AFAP1L1: variants seen among roughly 807,000 people sequenced by gnomAD.
The protein encoded by AFAP1L1 is actin filament-associated protein 1-like 1.
Under a neutral mutation model 99.8 loss-of-function variants are expected in AFAP1L1, and 77 were observed. The observed-to-expected ratio is 0.77, with a 90% CI of 0.64 to 0.93. The LOEUF (loss-of-function observed/expected upper bound fraction) is 0.93. Among genes scored for constraint, AFAP1L1 ranks in the 40% least tolerant of loss-of-function variants. The probability of loss-of-function intolerance (pLI) is 0.00; values close to 1 mark genes in which losing one functional copy is unlikely to be tolerated. For synonymous variants in AFAP1L1, 373 were observed against 395.3 expected (o/e 0.94, Z 0.67); for missense variants, 893 against 996.8 (o/e 0.90, Z 1.40).
rs768606047 is a variant in AFAP1L1, at chr5:149,307,552, G to A, written c.686G>A (p.Arg229Gln). 23 of 1,613,702 alleles carry A rather than the reference G, an allele frequency of 1.4e-5. No individual in the cohort carries two copies. The highest frequency in any genetic ancestry group is 4.0e-5 in the African/African-American group (3 of 74,894). Residue 229 changes from arginine (R) to glutamine (Q), a missense_variant, in exon 7 of 19, where the codon CGG becomes CAG. Physicochemically the swap from Arg to Gln is conservative, Grantham distance 43. Transcript: ENST00000296721. ...RECRICAFLL[R>Q]KKRFGQWAKQ... ...TGCAGGATATGTGCCTTCCTGCTGCGGAAAAAGCGTTTCGGGCAGTGGGCC... is the reference window on the plus strand; with the variant it reads ...TGCAGGATATGTGCCTTCCTGCTGCAGAAAAAGCGTTTCGGGCAGTGGGCC...
At chr5:149,275,579 C>T (rs1755291480) in intron 1 of AFAP1L1, among the ~76,000 whole-genome samples, 1 of 151,916 alleles carries the variant, frequency 6.6e-6, no homozygotes, top group Non-Finnish European at 1.5e-5. Context: ...GATCTCGGCT[C>T]ACTGCAAGCT....
chr5:149,282,769 C>T (rs1455765513), intron 1 of AFAP1L1, among the ~76,000 whole-genome samples: 2 of 152,134 alleles, frequency 1.3e-5, no homozygotes, highest in Non-Finnish European at 2.9e-5. Flanking sequence ...GGGAGTGTCT[C>T]CCTGGAGCAC....
At chr5:149,295,053 G>A (rs370953260) in intron 1 of AFAP1L1, among the ~76,000 whole-genome samples, 9 of 152,332 alleles carry the variant, frequency 5.9e-5, no homozygotes, top group East Asian at 5.8e-4. Context: ...CAGCTCCAGC[G>A]AAAGACTTGC....
chr5:149,275,367 C>T (rs975891729), intron 1 of AFAP1L1, among the ~76,000 whole-genome samples: 5 of 152,198 alleles, frequency 3.3e-5, no homozygotes, highest in Admixed American at 1.3e-4. Context: ...ACCTCTCTTC[C>T]TGGCTTGTAG....
chr5:149,326,545 T>A (rs200687122), intron 15 of AFAP1L1, among the ~76,000 whole-genome samples: 4,844 of 128,422 alleles, frequency 0.038, no homozygotes, highest in African/African-American at 0.047. Context: ...TCGCCAAAAA[T>A]AAAAAAAAAA....
Position 149,310,204 on chromosome 5 carries a change from G to T in AFAP1L1, c.927+69G>T, listed in dbSNP as rs1434149854. On this transcript the variant is annotated intron_variant, in intron 8 of 18. Coordinates refer to ENST00000296721, the MANE Select transcript of AFAP1L1 (RefSeq NM_152406.4). ...CTCTTCCCCAAGCCAGCCCTCAGTAGAGCTGGCTCCTGTCCCTGGAAGAGC... is the reference window on the plus strand; with the variant it reads ...CTCTTCCCCAAGCCAGCCCTCAGTATAGCTGGCTCCTGTCCCTGGAAGAGC... The T allele has an allele frequency of 6.8e-6, 10 of 1,477,822 alleles. No homozygotes were observed. In the East Asian group the frequency reaches 1.9e-4, roughly 29 times the overall value. The allele number at this position is 1,477,822 out of a possible 1,614,324, so 91.5% of individuals were successfully genotyped here. A position where few individuals can be genotyped will look rare whatever the true frequency, so the allele number is the denominator to read the frequency against.
intron 1 of AFAP1L1, among the ~76,000 whole-genome samples, chr5:149,296,410 G>C (rs1171384097): frequency 6.6e-6 from 1 of 152,212 alleles, no homozygotes; most frequent in African/African-American, 2.4e-5. Flanking sequence ...AAACAGCCCA[G>C]TGCACCCCTG....
intron 1 of AFAP1L1, among the ~76,000 whole-genome samples, chr5:149,298,385 T>C (rs1355565970): frequency 1.3e-5 from 2 of 152,220 alleles, no homozygotes; most frequent in Admixed American, 1.3e-4. Flanking sequence ...TGAGTCAATA[T>C]ATCTCTGTGG....
intron 4 of AFAP1L1, among the ~76,000 whole-genome samples, chr5:149,301,603 C>A (rs924728981): frequency 6.6e-6 from 1 of 152,116 alleles, no homozygotes; most frequent in Non-Finnish European, 1.5e-5. Context: ...AGCTCTGGAC[C>A]AGGAGTTGGG....
At chr5:149,302,170 C>G (rs1756243230) in intron 4 of AFAP1L1, among the ~76,000 whole-genome samples, 1 of 152,250 alleles carries the variant, frequency 6.6e-6, no homozygotes, top group South Asian at 2.1e-4. Context: ...AAAAGTATGA[C>G]TACTACTGTT....
At chr5:149,301,351 G>A (rs1260384561) in intron 4 of AFAP1L1, 121 bp downstream of exon 4, 25 of 801,694 alleles carry the variant, frequency 3.1e-5, no homozygotes, top group Non-Finnish European at 5.0e-5. Flanking sequence ...GTCTCTCTCG[G>A]GTTGTGGGTG....
chr5:149,311,991 A>G (rs1756643865), intron 8 of AFAP1L1, 121 bp from the exon 9 acceptor site: 2 of 860,298 alleles, frequency 2.3e-6, no homozygotes, highest in Non-Finnish European at 3.7e-6. Context: ...GTGTCAGTCC[A>G]TCTGTTCCCC....
chr5:149,306,424 C>T lies in AFAP1L1; in HGVS notation c.535+20C>T, dbSNP rs1756416206. ...GCTCCTGTAAGTACCAGGTGGGCGTCCAGATGCTGGGCAGGGCTTCTGCCC... is the reference window on the plus strand; with the variant it reads ...GCTCCTGTAAGTACCAGGTGGGCGTTCAGATGCTGGGCAGGGCTTCTGCCC... On this transcript the variant is annotated intron_variant, in intron 6 of 18. Coordinates refer to ENST00000296721, the MANE Select transcript of AFAP1L1 (RefSeq NM_152406.4). 1 of 1,595,018 alleles carries T rather than the reference C, an allele frequency of 6.3e-7. No individual in the cohort carries two copies. Among genetic ancestry groups the T allele is most frequent in the East Asian group, 2.3e-5 (1 of 44,180 alleles).
Position 149,301,215 on chromosome 5 carries a change from C to T in AFAP1L1, c.312C>T (p.Ser104=). The T allele has an allele frequency of 6.2e-7, 1 of 1,613,976 alleles. No homozygotes were observed. The highest frequency in any genetic ancestry group is 8.5e-7 in the Non-Finnish European group (1 of 1,179,912). Residue 104 remains serine (S), a synonymous_variant, in exon 4 of 19, where the codon AGC becomes AGT. Coordinates refer to ENST00000296721, the MANE Select transcript of AFAP1L1 (RefSeq NM_152406.4). Reference sequence around the variant, plus strand: ...GAGCCAGCCCTGAGCTAGCCAAGAGCCCACGCCTGAGAAACGTGAGTCATG... The same window carrying T: ...GAGCCAGCCCTGAGCTAGCCAAGAGTCCACGCCTGAGAAACGTGAGTCATG... ...SKGASPELAK[S]PRLRNAADLP...
intron 15 of AFAP1L1, among the ~76,000 whole-genome samples, chr5:149,324,831 C>T (rs1482200551): frequency 6.6e-6 from 1 of 152,184 alleles, no homozygotes; most frequent in Non-Finnish European, 1.5e-5. Context: ...AGTTGCTTAT[C>T]CTTGTGATGT....
chr5:149,302,785 C>A, intron 5 of AFAP1L1: 1 of 372,770 alleles, frequency 2.7e-6, no homozygotes, highest in Non-Finnish European at 4.9e-6. Context: ...CCCTTGCCCT[C>A]TGGATCTCTG....
intron 8 of AFAP1L1, 121 bp downstream of exon 8, chr5:149,310,256 G>A: frequency 7.8e-7 from 1 of 1,277,482 alleles, no homozygotes; most frequent in East Asian, 2.6e-5. Flanking sequence ...GAGCCCAAGT[G>A]CCCTCTGCGT....
chr5:149,277,492 C>T (rs1485648465), intron 1 of AFAP1L1, among the ~76,000 whole-genome samples: 1 of 152,182 alleles, frequency 6.6e-6, no homozygotes, highest in African/African-American at 2.4e-5. Context: ...GACCTGAGAC[C>T]CAACTTCTGT....
rs1025379525 is a variant in AFAP1L1, at chr5:149,312,461, G to A, written c.1020+257G>A. Reference sequence around the variant, plus strand: ...GATGCACCCTGCCAGGACAGGAGGAGGTCACATTGCAATTGTGCCATGAAA... The same window carrying A: ...GATGCACCCTGCCAGGACAGGAGGAAGTCACATTGCAATTGTGCCATGAAA... On this transcript the variant is annotated intron_variant, in intron 9 of 18. Coordinates refer to ENST00000296721, the MANE Select transcript of AFAP1L1 (RefSeq NM_152406.4). 9.4e-6 allele frequency: 5 copies of A among 530,556 alleles called. No homozygotes were observed. The African/African-American group carries it at 9.5e-5, about 10-fold the overall frequency. 32.9% of individuals were successfully genotyped at this position (530,556 alleles called of 1,614,324 possible).
Sources: gnomAD v4.1 joint callset for allele counts (sites outside exome capture counted in the v4.1 genomes callset) on GRCh38, gnomAD v4.1.1 for gene constraint, MANE v1.5 for transcripts, NCBI Gene and HGNC (gene_info 2026-07-23, HGNC 2026-07-21) for gene names.